The following DTNB variants were observed in gnomAD, a reference collection of about 807,000 sequenced individuals.
DTNB encodes DTN-B.
In DTNB, 63 loss-of-function variants were observed where a neutral mutation model predicts 90.7. The ratio of observed to expected loss-of-function variants is 0.69; its 90% CI spans 0.57 to 0.86. The LOEUF is 0.86. Among genes scored for constraint, DTNB ranks in the 40% least tolerant of loss-of-function variants. The pLI is 0.00. For synonymous variants in DTNB, 277 were observed against 286.7 expected, an observed-to-expected ratio of 0.97 and a Z score of 0.34; for missense variants, 744 against 807.1, an observed-to-expected ratio of 0.92 and a Z score of 0.95.
At chr2:25,656,795 A>G (rs2082146734) in intron 1 of DTNB, among the ~76,000 whole-genome samples, 1 of 152,162 alleles carries the variant, frequency 6.6e-6, no homozygotes, top group African/African-American at 2.4e-5. Flanking sequence ...ATTTCACCCA[A>G]TTTAAAGAAC....
chr2:25,509,897 C>T (rs147132056), intron 9 of DTNB, among the ~76,000 whole-genome samples: 2,737 of 151,624 alleles, frequency 0.018, 245 homozygotes, highest in Admixed American at 0.15. Context: ...ACTACAGGCA[C>T]GCATCACCAC....
At position 25,387,416 on chromosome 2, in the gene DTNB, G is replaced by T. The variant is rs771271798; in HGVS notation, c.1736-38C>A. 1.1e-5 allele frequency: 18 copies of T among 1,595,958 alleles called. No homozygotes were observed. The Middle Eastern group carries it at 8.4e-4, about 74-fold the overall frequency. On this transcript the variant is annotated intron_variant, in intron 17 of 20. Coordinates refer to ENST00000406818, the MANE Select transcript of DTNB (RefSeq NM_021907.5). The surrounding 1 kb of genome is among the most constrained non-coding windows in gnomAD (Gnocchi z 4.5). ...AGAGCAGATGGGGATGCCAGGGTGGGTGAGCGTGGAGAAGAGACGGCTGAG... is the reference window on the plus strand; with the variant it reads ...AGAGCAGATGGGGATGCCAGGGTGGTTGAGCGTGGAGAAGAGACGGCTGAG...
intron 10 of DTNB, among the ~76,000 whole-genome samples, chr2:25,463,860 G>A (rs915216805): frequency 1.3e-5 from 2 of 152,224 alleles, no homozygotes; most frequent in African/African-American, 4.8e-5. Context: ...CAGATGGATA[G>A]AGAAATAATT....
chr2:25,455,144 G>T (rs982914198), intron 11 of DTNB, among the ~76,000 whole-genome samples: 2 of 152,192 alleles, frequency 1.3e-5, no homozygotes, highest in African/African-American at 2.4e-5. Flanking sequence ...TATATTTTTT[G>T]AGTGTAAGCT....
At chr2:25,660,993 T>C (rs981351324) in intron 1 of DTNB, among the ~76,000 whole-genome samples, 1 of 152,242 alleles carries the variant, frequency 6.6e-6, no homozygotes, top group Non-Finnish European at 1.5e-5. Flanking sequence ...GCCAACAGCA[T>C]GGGTATATGA....
intron 9 of DTNB, among the ~76,000 whole-genome samples, chr2:25,492,028 T>C (rs2067628351): frequency 6.6e-6 from 1 of 152,110 alleles, no homozygotes; most frequent in South Asian, 2.1e-4. Context: ...CATTCGAGTG[T>C]ACTGTCTACT....
chr2:25,510,712 T>A (rs572018627), intron 9 of DTNB, among the ~76,000 whole-genome samples: 1 of 152,282 alleles, frequency 6.6e-6, no homozygotes, highest in East Asian at 1.9e-4. Flanking sequence ...TTCACCATGT[T>A]GGCCAGGCTG....
chr2:25,380,920 G>A (rs1004574241), intron 19 of DTNB, among the ~76,000 whole-genome samples: 7 of 152,242 alleles, frequency 4.6e-5, no homozygotes, highest in African/African-American at 1.4e-4. Flanking sequence ...CTGGAGGGCT[G>A]GGCAAGGGAA....
At chr2:25,645,361 AAAAAAAAAAG>A (rs1000687565) in intron 2 of DTNB, among the ~76,000 whole-genome samples, 12 of 149,926 alleles carry the variant, frequency 8.0e-5, no homozygotes, top group East Asian at 1.9e-4. Flanking sequence ...CCATCACAAA[AAAAAAAAAAG>A]AAAAAAAAAG....
intron 1 of DTNB, among the ~76,000 whole-genome samples, chr2:25,661,495 CAAGG>C: frequency 1.3e-5 from 2 of 152,158 alleles, no homozygotes; most frequent in South Asian, 4.1e-4. Flanking sequence ...TAAAGGAATC[CAAGG>C]AAGGGATTAC....
chr2:25,652,726 T>A, intron 1 of DTNB, 65 bp from the exon 2 acceptor site: 1 of 1,544,738 alleles, frequency 6.5e-7, no homozygotes. Context: ...GTGCTAATCA[T>A]TCTATTGTGA....
chr2:25,427,071 G>A (rs1033242086), intron 15 of DTNB, among the ~76,000 whole-genome samples: 2 of 151,966 alleles, frequency 1.3e-5, no homozygotes, highest in Admixed American at 1.3e-4. Context: ...CCAGCTACTC[G>A]GGAGGCTGAG....
chr2:25,662,795 G>A (rs538794685), intron 1 of DTNB, among the ~76,000 whole-genome samples: 4 of 152,070 alleles, frequency 2.6e-5, no homozygotes, highest in South Asian at 2.1e-4. Flanking sequence ...AATTATGACC[G>A]CAGAGGTATA....
At chr2:25,466,998 CTAATAT>C (rs1298010975) in intron 10 of DTNB, among the ~76,000 whole-genome samples, 1 of 152,126 alleles carries the variant, frequency 6.6e-6, no homozygotes, top group Non-Finnish European at 1.5e-5. Context: ...CAATTATTTA[CTAATAT>C]TATCTTCCTT....
intron 9 of DTNB, among the ~76,000 whole-genome samples, chr2:25,511,856 A>T (rs1323351190): frequency 2.0e-5 from 3 of 152,244 alleles, no homozygotes; most frequent in Middle Eastern, 3.2e-3. Context: ...TGAGTGAAAA[A>T]TAACAGCTGG....
intron 12 of DTNB, among the ~76,000 whole-genome samples, chr2:25,443,808 A>T (rs958326393): frequency 1.3e-5 from 2 of 152,230 alleles, no homozygotes; most frequent in Non-Finnish European, 2.9e-5. Flanking sequence ...AAAGCCAAGG[A>T]TCTATATATT....
chr2:25,652,790 A>T, intron 1 of DTNB, 129 bp from the exon 2 acceptor site: 1 of 761,120 alleles, frequency 1.3e-6, no homozygotes, highest in South Asian at 2.7e-5. Flanking sequence ...TATCAGTAAA[A>T]ATAAACTGGA....
chr2:25,649,924 T>G (rs2080488293), intron 2 of DTNB: 1 of 769,396 alleles, frequency 1.3e-6, no homozygotes, highest in South Asian at 5.9e-5. Context: ...TTGACGTTGC[T>G]GGAAATGAGG....
intron 10 of DTNB, among the ~76,000 whole-genome samples, chr2:25,456,048 C>A (rs563716834): frequency 6.6e-6 from 1 of 152,196 alleles, no homozygotes; most frequent in Admixed American, 6.5e-5. Context: ...ATTAGAACTG[C>A]GCCTAATTAT....
Sources: allele counts gnomAD v4.1 joint callset (sites outside exome capture counted in the v4.1 genomes callset), GRCh38; gene constraint gnomAD v4.1.1; non-coding constraint Gnocchi (gnomAD v3.1); transcripts MANE v1.5; gene names NCBI Gene and HGNC (gene_info 2026-07-23, HGNC 2026-07-21).